The following SLC25A24 variants were observed in gnomAD, a reference collection of about 807,000 sequenced individuals.
SLC25A24 encodes the protein mitochondrial adenyl nucleotide antiporter SLC25A24.
In SLC25A24, 49 loss-of-function variants were observed where a neutral mutation model predicts 60.7. The ratio of observed to expected loss-of-function variants is 0.81; its 90% CI spans 0.64 to 1.02. SLC25A24 has a LOEUF of 1.02. Among genes scored for constraint, SLC25A24 ranks in the 50% least tolerant of loss-of-function variants. The probability of loss-of-function intolerance (pLI) is 0.00; values close to 1 mark genes in which losing one functional copy is unlikely to be tolerated. For missense variants in SLC25A24, 564 were observed against 586.3 expected (o/e 0.96, Z 0.39); for synonymous variants, 202 against 200.6 (o/e 1.01, Z -0.06).
In SLC25A24 at chr1:108,185,929, T is replaced by C. The variant is rs1436222638; in HGVS notation, c.209A>G (p.Asn70Ser). ...TTCAAAATCCAGCTTCCCATCTTTG[T>C]TGACATCTCCAGTAGTAAAAATTTT... Reference protein sequence around the residue: ...EEKIFTTGDVNKDGKLDFEEF... With the variant: ...EEKIFTTGDVSKDGKLDFEEF... Residue 70 changes from asparagine (N) to serine (S), a missense_variant, in exon 2 of 10, where the codon AAC becomes AGC. Physicochemically the swap from Asn to Ser is conservative, Grantham distance 46 (BLOSUM62 1). Transcript: ENST00000565488. The C allele has an allele frequency of 1.9e-6, 3 of 1,598,082 alleles. No homozygotes were observed. The highest frequency in any genetic ancestry group is 1.7e-5 in the Admixed American group (1 of 59,030).
rs1235041519 is a variant in SLC25A24, at chr1:108,161,288, T to A, written c.404A>T (p.Asp135Val). ...QQAELILQSI[D>V]VDGTMTVDWN... The stretch of plus-strand genomic sequence containing the variant: ...GTCCACTGTCATTGTCCCATCAACA[T>A]CAATGCTGAAATTTTAAAAAAATGA... Residue 135 changes from aspartate to valine, a missense_variant, in exon 4 of 10, where the codon GAT becomes GTT. Transcript: ENST00000565488. The A allele has an allele frequency of 6.5e-7, 1 of 1,538,704 alleles. No homozygotes were observed. The highest frequency in any genetic ancestry group is 8.9e-7 in the Non-Finnish European group (1 of 1,117,394).
intron 3 of SLC25A24, among the ~76,000 whole-genome samples, chr1:108,180,616 ATCTCTCTCTCTCTC>A (rs3043349): frequency 0.01 from 642 of 61,784 alleles, 4 homozygotes; most frequent in South Asian, 0.046. Flanking sequence ...CAAGAGAAAG[ATCTCTCTCTCTCTC>A]TCTCTCTCTC....
chr1:108,181,872 T>C, intron 3 of SLC25A24, 69 bp downstream of exon 3: 1 of 1,165,396 alleles, frequency 8.6e-7, no homozygotes, highest in Non-Finnish European at 1.3e-6. Context: ...AAGCCACACT[T>C]ACAAACACAG....
At chr1:108,174,515 A>G (rs1223007816) in intron 3 of SLC25A24, among the ~76,000 whole-genome samples, 1 of 152,212 alleles carries the variant, frequency 6.6e-6, no homozygotes, top group Non-Finnish European at 1.5e-5. Context: ...AGGGCAGTGC[A>G]AAAGGGAAAT....
chr1:108,149,104 A>G (rs1425838779), intron 6 of SLC25A24, among the ~76,000 whole-genome samples: 1 of 152,234 alleles, frequency 6.6e-6, no homozygotes, highest in Non-Finnish European at 1.5e-5. Context: ...AGTTTTTAAA[A>G]GATGAGTTTA....
intron 1 of SLC25A24, among the ~76,000 whole-genome samples, chr1:108,189,942 G>A (rs1473564269): frequency 6.6e-6 from 1 of 151,878 alleles, no homozygotes; most frequent in East Asian, 1.9e-4. Context: ...CAGGTATTCA[G>A]TGGGGGTCTT....
At position 108,192,832 on chromosome 1, in the gene SLC25A24, G is replaced by C; in HGVS notation, c.184-6878C>G. ...CCTAACGGCTTCAGCGCAAAGGCGC[G>C]AGCGCGCAGGACCCGGGACCTGCGT... On this transcript the variant is annotated intron_variant, in intron 1 of 9. Coordinates refer to ENST00000565488, the MANE Select transcript of SLC25A24 (RefSeq NM_013386.5). 5.1e-6 allele frequency: 6 copies of C among 1,166,978 alleles called. 2 individuals are homozygous for C. Among genetic ancestry groups the C allele is most frequent in the Non-Finnish European group, 6.5e-6 (6 of 922,574 alleles). 72.3% of individuals were successfully genotyped at this position (1,166,978 alleles called of 1,614,324 possible).
At chr1:108,181,823 A>C in intron 3 of SLC25A24, 118 bp downstream of exon 3, 5 of 723,742 alleles carry the variant, frequency 6.9e-6, no homozygotes, top group Non-Finnish European at 1.2e-5. Flanking sequence ...AGACAAAAAG[A>C]TCTTGGATAT....
intron 1 of SLC25A24, among the ~76,000 whole-genome samples, chr1:108,190,550 T>C (rs12401933): frequency 9.2e-5 from 14 of 152,200 alleles, no homozygotes; most frequent in African/African-American, 3.4e-4. Flanking sequence ...TTTTTATTTA[T>C]GGTCTGACCA....
At position 108,190,619 on chromosome 1, in the gene SLC25A24, G is replaced by T. The variant is rs544075152; in HGVS notation, c.184-4665C>A. ...ACAGGAAAAAACAAAACAATATATT[G>T]TTCAAAAACAGACTATTTTCACAAT... On this transcript the variant is annotated intron_variant, in intron 1 of 9. Coordinates refer to ENST00000565488, the MANE Select transcript of SLC25A24 (RefSeq NM_013386.5). Among the ~76,000 whole-genome samples, 5 of 150,964 alleles carry T rather than the reference G, an allele frequency of 3.3e-5. No homozygotes were observed. In the South Asian group the frequency reaches 1.0e-3, roughly 32 times the overall value.
Position 108,200,127 on chromosome 1 carries a change from C to A in SLC25A24, c.12G>T (p.Trp4Cys). The change falls in exon 1 of 10, where the codon TGG becomes TGT. Residue 4 changes from tryptophan (W) to cysteine (C), a missense_variant. Transcript: ENST00000565488. MLR[W>C]LRDFVLPTAA... is the part of the protein sequence containing the mutation. ...CGGTGGGCAGCACGAAGTCCCGCAG[C>A]CAGCGCAACATGGTCCCAGAGGCGC... 1 of 1,555,764 alleles carries A rather than the reference C, an allele frequency of 6.4e-7. No homozygotes were observed. Among genetic ancestry groups the A allele is most frequent in the Non-Finnish European group, 8.7e-7 (1 of 1,151,710 alleles).
At chr1:108,178,308 CA>C (rs1395218539) in intron 3 of SLC25A24, among the ~76,000 whole-genome samples, 3 of 152,200 alleles carry the variant, frequency 2.0e-5, no homozygotes, top group African/African-American at 7.2e-5. Flanking sequence ...AACAGAAAAT[CA>C]GTAAGAAACA....
intron 3 of SLC25A24, 21 bp from the exon 4 acceptor site, chr1:108,161,314 T>C: frequency 1.6e-6 from 2 of 1,254,978 alleles, no homozygotes; most frequent in African/African-American, 1.5e-5. Context: ...AAAAAAATGA[T>C]CAAAGTACAA....
At chr1:108,162,595 T>C (rs1680118701) in intron 3 of SLC25A24, among the ~76,000 whole-genome samples, 2 of 152,178 alleles carry the variant, frequency 1.3e-5, no homozygotes, top group South Asian at 2.1e-4. Context: ...ATGTCTTCTT[T>C]CGAGAAGTGT....
intron 4 of SLC25A24, 66 bp from the exon 5 acceptor site, chr1:108,157,686 T>C: frequency 6.5e-7 from 1 of 1,543,010 alleles, no homozygotes; most frequent in South Asian, 1.2e-5. Flanking sequence ...ACGTTTTGTT[T>C]TAGAGAAGAA....
Position 108,144,835 on chromosome 1 carries a change from G to A in SLC25A24, c.931-1125C>T, listed in dbSNP as rs1679543252. On this transcript the variant is annotated intron_variant, in intron 7 of 9. Coordinates refer to ENST00000565488, the MANE Select transcript of SLC25A24 (RefSeq NM_013386.5). ...TTTGTTTATCTAGTCTATCACTGAT[G>A]GGCATTTGGGTTGGTTCCAAGTCTT... is the stretch of plus-strand genomic sequence containing the variant. Among the ~76,000 whole-genome samples, 4 of 152,130 alleles carry A rather than the reference G, an allele frequency of 2.6e-5. 1 individual carries two copies. Among genetic ancestry groups the A allele is most frequent in the Admixed American group, 2.6e-4 (4 of 15,284 alleles).
chr1:108,134,401 A>T lies in SLC25A24; in HGVS notation c.*2252T>A, dbSNP rs1035055176. 1 of 152,222 alleles carries T rather than the reference A, an allele frequency of 6.6e-6. No individual in the cohort carries two copies. The highest frequency in any genetic ancestry group is 2.4e-5 in the African/African-American group (1 of 41,466). The allele number at this position is 152,222 out of a possible 1,614,324, so 9.4% of individuals were successfully genotyped here. On this transcript the variant is annotated 3_prime_UTR_variant, in exon 10 of 10. Coordinates refer to ENST00000565488, the MANE Select transcript of SLC25A24 (RefSeq NM_013386.5). The stretch of plus-strand genomic sequence containing the variant: ...GATGTAATCTGCATTATGAAATTTT[A>T]AAAAATTACTTACCAGTGAATTCAA...
At chr1:108,167,452 G>T (rs1319745796) in intron 3 of SLC25A24, among the ~76,000 whole-genome samples, 1 of 152,240 alleles carries the variant, frequency 6.6e-6, no homozygotes, top group African/African-American at 2.4e-5. Context: ...GACTCCGTGG[G>T]TGTAGGACCC....
At chr1:108,159,464 GTTTTT>G (rs60246776) in intron 4 of SLC25A24, among the ~76,000 whole-genome samples, 6 of 131,100 alleles carry the variant, frequency 4.6e-5, no homozygotes, top group Admixed American at 3.8e-4. Context: ...GTCTTGGGTT[GTTTTT>G]TTTTTTTTTT....
Sources: gnomAD v4.1 joint callset for allele counts (sites outside exome capture counted in the v4.1 genomes callset) on GRCh38, gnomAD v4.1.1 for gene constraint, MANE v1.5 for transcripts, NCBI Gene and HGNC (gene_info 2026-07-23, HGNC 2026-07-21) for gene names.